AFF1: variants seen among roughly 807,000 people sequenced by gnomAD.
The protein encoded by AFF1 is ALF transcription elongation factor 1, also known as AF4/FMR2 family member 1.
In AFF1, 48 loss-of-function variants were observed where a neutral mutation model predicts 121.7. The observed-to-expected ratio is 0.39, with a 90% CI of 0.31 to 0.50. The LOEUF is 0.50. Among genes scored for constraint, AFF1 ranks in the 20% least tolerant of loss-of-function variants. AFF1 has a pLI of 0.76. For synonymous variants in AFF1, 613 were observed against 563.0 expected (o/e 1.09, Z -1.26); for missense variants, 1,523 against 1,511.7 (o/e 1.01, Z -0.12).
chr4:87,115,135 T>C lies in AFF1; in HGVS notation c.2302T>C (p.Leu768=). ...PLRDTPPPQS[L]MVKITLDLLS... ...CAGGGACACTCCTCCCCCACAAAGC[T>C]TGATGGTGAAGATCACCCTAGACCT... The change falls in exon 12 of 21, where the codon TTG becomes CTG. Residue 768 remains leucine (L), a synonymous_variant. Coordinates refer to ENST00000395146, the MANE Select transcript of AFF1 (RefSeq NM_001166693.3). The C allele has an allele frequency of 1.2e-6, 2 of 1,614,038 alleles. No homozygotes were observed. Among genetic ancestry groups the C allele is most frequent in the African/African-American group, 2.7e-5 (2 of 74,998 alleles).
chr4:87,124,065 C>T (rs1225069979), intron 12 of AFF1, among the ~76,000 whole-genome samples: 2 of 152,202 alleles, frequency 1.3e-5, no homozygotes, highest in Non-Finnish European at 2.9e-5. Context: ...AGGGAGTCTG[C>T]ATGTCAGACT....
At chr4:87,128,460 C>G (rs927765344) in intron 16 of AFF1, among the ~76,000 whole-genome samples, 7 of 152,130 alleles carry the variant, frequency 4.6e-5, no homozygotes, top group Non-Finnish European at 8.8e-5. Context: ...TAGTGAGTTC[C>G]TAAACCTAAA....
chr4:87,047,541 G>A lies in AFF1; in HGVS notation c.1006G>A (p.Val336Met). ...QQTFEKTDLK[V>M]PAKAKLTKLK... ...GACCTTTGAAAAAACAGACTTGAAA[G>A]TGCCTGCCAAAGCCAAGCTCACCAA... Residue 336 changes from valine to methionine, a missense_variant, in exon 4 of 21, where the codon GTG becomes ATG. Physicochemically the swap from Val to Met is conservative, Grantham distance 21 (BLOSUM62 1). Coordinates refer to ENST00000395146, the MANE Select transcript of AFF1 (RefSeq NM_001166693.3). 1.2e-6 allele frequency: 2 copies of A among 1,614,196 alleles called. No individual in the cohort carries two copies. Among genetic ancestry groups the A allele is most frequent in the Non-Finnish European group, 8.5e-7 (1 of 1,180,032 alleles).
intron 5 of AFF1, among the ~76,000 whole-genome samples, chr4:87,084,550 C>CAATAAATAAATAAATAAATAAATAAATA (rs58068934): frequency 7.3e-6 from 1 of 136,932 alleles, no homozygotes; most frequent in Non-Finnish European, 1.6e-5. Context: ...ACTATGTCTC[C>CAATAAATAAATAAATAAATAAATAAATA]AATAAATAAA....
At position 87,131,839 on chromosome 4, in the gene AFF1, CAA is replaced by C; in HGVS notation, c.3149_3150del (p.Gln1050ArgfsTer23). 6.3e-7 allele frequency: 1 copy of C among 1,589,682 alleles called. No homozygotes were observed. The highest frequency in any genetic ancestry group is 8.5e-7 in the Non-Finnish European group (1 of 1,173,444). ...CTTCTCAGATGCCACAGCGCCAACA[CAA>C]GAGAAAATATTTGCTGTTTTATGGT... ...KSFSDATAPTQEKIFAVLCMR... is the reference protein window; with the variant it reads ...KSFSDATAPTXEKIFAVLCMR... On this transcript the variant is annotated frameshift_variant, in exon 18 of 21. Transcript: ENST00000395146. LOFTEE classifies it high-confidence loss of function.
chr4:87,137,255 C>T lies in AFF1; in HGVS notation c.*1554C>T, dbSNP rs1729375731. 1 of 228,154 alleles carries T rather than the reference C, an allele frequency of 4.4e-6. No individual in the cohort carries two copies. Among genetic ancestry groups the T allele is most frequent in the South Asian group, 1.8e-4 (1 of 5,486 alleles). 14.1% of individuals were successfully genotyped at this position (228,154 alleles called of 1,614,324 possible). On this transcript the variant is annotated 3_prime_UTR_variant, in exon 21 of 21. Coordinates refer to ENST00000395146, the MANE Select transcript of AFF1 (RefSeq NM_001166693.3). The stretch of plus-strand genomic sequence containing the variant: ...GCCTTTGTCCCATTCTGCCCCTGTA[C>T]ATGTTTCCTACCAAGCATGTTTCAC...
At chr4:87,092,775 C>T (rs1243744633) in intron 7 of AFF1, among the ~76,000 whole-genome samples, 3 of 152,198 alleles carry the variant, frequency 2.0e-5, no homozygotes, top group African/African-American at 4.8e-5. Flanking sequence ...ATAAACCCGA[C>T]TATATTGCTA....
chr4:87,126,883 G>T, intron 14 of AFF1, 143 bp from the exon 15 acceptor site: 2 of 677,160 alleles, frequency 3.0e-6, no homozygotes, highest in Non-Finnish European at 5.0e-6. Context: ...AGCTGAGGAA[G>T]TGTTTAGCCA....
At chr4:87,008,645 A>G (rs1352091191) in intron 2 of AFF1, among the ~76,000 whole-genome samples, 1 of 142,810 alleles carries the variant, frequency 7.0e-6, no homozygotes, top group Non-Finnish European at 1.5e-5. Flanking sequence ...AAGTAGGACT[A>G]GAGATAAAAC....
intron 4 of AFF1, among the ~76,000 whole-genome samples, chr4:87,053,373 C>G (rs1731453970): frequency 1.3e-5 from 2 of 152,152 alleles, no homozygotes; most frequent in African/African-American, 2.4e-5. Context: ...TAAATTGAGC[C>G]TCCTATTTTC....
At chr4:87,010,042 C>T (rs1198291355) in intron 2 of AFF1, among the ~76,000 whole-genome samples, 1 of 152,106 alleles carries the variant, frequency 6.6e-6, no homozygotes, top group Non-Finnish European at 1.5e-5. Context: ...CGGTGTATTC[C>T]CATCCCTGTA....
At chr4:86,939,051 C>T (rs185758008) in intron 1 of AFF1, among the ~76,000 whole-genome samples, 88 of 152,226 alleles carry the variant, frequency 5.8e-4, no homozygotes, top group Middle Eastern at 3.4e-3. Context: ...CCTAATACCG[C>T]GTAAGTATTG....
intron 4 of AFF1, among the ~76,000 whole-genome samples, chr4:87,076,561 A>G (rs1485950436): frequency 1.3e-5 from 2 of 152,232 alleles, no homozygotes; most frequent in South Asian, 4.1e-4. Flanking sequence ...ACTTAATGTA[A>G]TAATACTTTA....
At chr4:87,061,927 A>G (rs953361091) in intron 4 of AFF1, among the ~76,000 whole-genome samples, 2 of 152,208 alleles carry the variant, frequency 1.3e-5, no homozygotes, top group Non-Finnish European at 2.9e-5. Flanking sequence ...TTGACCCTCT[A>G]TCCAAACATA....
At chr4:87,044,782 C>A (rs1443142610) in intron 2 of AFF1, among the ~76,000 whole-genome samples, 1 of 152,114 alleles carries the variant, frequency 6.6e-6, no homozygotes, top group African/African-American at 2.4e-5. Flanking sequence ...AAGAGGCTGC[C>A]TTACAGGGTA....
chr4:86,966,678 T>C (rs1035041957), intron 2 of AFF1, among the ~76,000 whole-genome samples: 17 of 152,200 alleles, frequency 1.1e-4, no homozygotes, highest in Non-Finnish European at 2.1e-4. Flanking sequence ...GTTGAGCCTT[T>C]AGGATTTGTT....
At chr4:87,112,707 A>G (rs1427100579) in intron 11 of AFF1, among the ~76,000 whole-genome samples, 3 of 152,184 alleles carry the variant, frequency 2.0e-5, no homozygotes, top group African/African-American at 4.8e-5. Flanking sequence ...AAACCTTTCC[A>G]TCTACCGGAG....
intron 2 of AFF1, chr4:87,007,175 G>A (rs1726222633): frequency 9.6e-6 from 13 of 1,360,826 alleles, no homozygotes; most frequent in Non-Finnish European, 1.0e-5. Flanking sequence ...GATCGCCGCA[G>A]AGGCCCCAGT....
rs138420730 is a variant in AFF1 at position 87,086,993 on chromosome 4, CTGTT to C, written c.1104+2830_1104+2833del. Among the ~76,000 whole-genome samples the C allele has an allele frequency of 5.1e-3, 783 of 152,238 alleles. 7 individuals carry two copies. The highest frequency in any genetic ancestry group is 0.018 in the African/African-American group (734 of 41,522). ...GGAGTAAGAAGATAGCAGACATACA[CTGTT>C]AGTTTTCAGGGAATGGTCATGCACT... On this transcript the variant is annotated intron_variant, in intron 5 of 20. Transcript: ENST00000395146.
Sources: allele counts gnomAD v4.1 joint callset (sites outside exome capture counted in the v4.1 genomes callset), GRCh38; gene constraint gnomAD v4.1.1; transcripts MANE v1.5; gene names NCBI Gene and HGNC (gene_info 2026-07-23, HGNC 2026-07-21).